Variants in PDE7B observed in about 807,000 individuals in gnomAD.
PDE7B encodes phosphodiesterase 7B.
Under a neutral mutation model 56.2 loss-of-function variants are expected in PDE7B, and 29 were observed. That is an observed-to-expected ratio of 0.52 (90% CI 0.38 to 0.70). The LOEUF is 0.70. Ranked by LOEUF, PDE7B falls within the 30% of genes least tolerant of loss-of-function variation. The pLI, the probability that PDE7B is intolerant of heterozygous loss-of-function variation, is 0.00. For missense variants in PDE7B, 490 were observed against 565.0 expected (o/e 0.87, Z 1.35); for synonymous variants, 197 against 196.9 (o/e 1.00, Z 0.00).
chr6:136,096,903 A>G (rs1777479332), intron 2 of PDE7B, among the ~76,000 whole-genome samples: 2 of 152,036 alleles, frequency 1.3e-5, no homozygotes, highest in Admixed American at 1.3e-4. Flanking sequence ...CACTCACTTC[A>G]GTCACTCAAC....
chr6:135,890,842 C>G (rs1307281677), intron 1 of PDE7B, among the ~76,000 whole-genome samples: 1 of 151,986 alleles, frequency 6.6e-6, no homozygotes, highest in African/African-American at 2.4e-5. Context: ...TTTTTTCTAC[C>G]GAGGCTGCTC....
intron 2 of PDE7B, among the ~76,000 whole-genome samples, chr6:136,025,215 A>G (rs897738117): frequency 6.6e-6 from 1 of 152,236 alleles, no homozygotes; most frequent in African/African-American, 2.4e-5. Context: ...GATTTAGACC[A>G]CTTTGGGCGG....
intron 1 of PDE7B, among the ~76,000 whole-genome samples, chr6:135,921,396 A>C (rs1465418304): frequency 6.6e-6 from 1 of 152,208 alleles, no homozygotes; most frequent in African/African-American, 2.4e-5. Flanking sequence ...CTTTACCCTG[A>C]ACAAAAGCCA....
chr6:136,017,420 C>T (rs1445924171), intron 2 of PDE7B, among the ~76,000 whole-genome samples: 3 of 151,970 alleles, frequency 2.0e-5, no homozygotes, highest in African/African-American at 4.8e-5. Flanking sequence ...TATACATATG[C>T]CATGTTGCTG....
intron 2 of PDE7B, among the ~76,000 whole-genome samples, chr6:135,960,616 T>C (rs1774882859): frequency 6.6e-6 from 1 of 152,218 alleles, no homozygotes; most frequent in Non-Finnish European, 1.5e-5. Context: ...TTAATTGAAA[T>C]ACAGCTTAAA....
intron 2 of PDE7B, among the ~76,000 whole-genome samples, chr6:135,967,673 C>A (rs1039911482): frequency 2.0e-5 from 3 of 152,152 alleles, no homozygotes; most frequent in African/African-American, 7.2e-5. Context: ...CCATAACTGT[C>A]CTTCATAAGA....
chr6:135,908,507 A>T (rs765844047), intron 1 of PDE7B, among the ~76,000 whole-genome samples: 2 of 152,202 alleles, frequency 1.3e-5, no homozygotes, highest in African/African-American at 2.4e-5. Flanking sequence ...AAACATTTAC[A>T]TGTATCTGTA....
chr6:135,873,393 A>T (rs1009496595), intron 1 of PDE7B, among the ~76,000 whole-genome samples: 3 of 152,146 alleles, frequency 2.0e-5, no homozygotes, highest in South Asian at 2.1e-4. Context: ...TATGCACAAA[A>T]TTTTTTTCAC....
chr6:136,033,837 AT>A (rs148777059), intron 2 of PDE7B, among the ~76,000 whole-genome samples: 4 of 149,934 alleles, frequency 2.7e-5, no homozygotes, highest in Non-Finnish European at 5.9e-5. Flanking sequence ...CTCATTTTGA[AT>A]TTTTTTTTTG....
At chr6:135,952,831 T>A (rs985801762) in intron 2 of PDE7B, among the ~76,000 whole-genome samples, 2 of 152,140 alleles carry the variant, frequency 1.3e-5, no homozygotes, top group Non-Finnish European at 2.9e-5. Context: ...CTGTCATCAT[T>A]GGCCCTAAAA....
chr6:135,911,839 T>C (rs867009329), intron 1 of PDE7B, among the ~76,000 whole-genome samples: 1 of 152,156 alleles, frequency 6.6e-6, no homozygotes, highest in African/African-American at 2.4e-5. Flanking sequence ...TCATGAAAAA[T>C]TGTATAATAT....
intron 1 of PDE7B, among the ~76,000 whole-genome samples, chr6:135,859,378 A>G (rs1775101966): frequency 6.6e-6 from 1 of 152,086 alleles, no homozygotes; most frequent in Admixed American, 6.6e-5. Context: ...GGTATTGCTC[A>G]TTTTCCATAT....
chr6:136,069,542 A>C (rs1562485316), intron 2 of PDE7B, among the ~76,000 whole-genome samples: 1 of 152,218 alleles, frequency 6.6e-6, no homozygotes, highest in Non-Finnish European at 1.5e-5. Context: ...GATTATATAA[A>C]TGTGCAGAGT....
At chr6:136,036,120 T>G (rs917407409) in intron 2 of PDE7B, among the ~76,000 whole-genome samples, 3 of 152,200 alleles carry the variant, frequency 2.0e-5, no homozygotes, top group Admixed American at 6.5e-5. Context: ...TTAAATAAAA[T>G]CATCTCAATC....
intron 2 of PDE7B, among the ~76,000 whole-genome samples, chr6:136,045,657 C>A (rs2128210431): frequency 6.6e-6 from 1 of 151,978 alleles, no homozygotes; most frequent in Non-Finnish European, 1.5e-5. Flanking sequence ...AGCCTTGGGT[C>A]CAAGGGGCCA....
At chr6:135,965,645 G>A (rs1774984790) in intron 2 of PDE7B, among the ~76,000 whole-genome samples, 1 of 152,140 alleles carries the variant, frequency 6.6e-6, no homozygotes, top group African/African-American at 2.4e-5. Flanking sequence ...CAGATCTTAT[G>A]AGACTTATTC....
At chr6:135,917,690 G>A (rs1773983315) in intron 1 of PDE7B, among the ~76,000 whole-genome samples, 1 of 152,028 alleles carries the variant, frequency 6.6e-6, no homozygotes, top group African/African-American at 2.4e-5. Flanking sequence ...TGGATACCGT[G>A]AATCCTAACT....
chr6:135,954,629 C>G (rs146322574), intron 2 of PDE7B, among the ~76,000 whole-genome samples: 113 of 152,250 alleles, frequency 7.4e-4, no homozygotes, highest in Non-Finnish European at 1.4e-3. Flanking sequence ...GGTAGAATCC[C>G]TATTGCCACA....
intron 2 of PDE7B, among the ~76,000 whole-genome samples, chr6:136,085,746 G>C (rs776312975): frequency 6.6e-6 from 1 of 152,192 alleles, no homozygotes; most frequent in Non-Finnish European, 1.5e-5. Context: ...CATTGTCCAG[G>C]ACAGCTCCAC....
Sources: allele counts gnomAD v4.1 joint callset (sites outside exome capture counted in the v4.1 genomes callset), GRCh38; gene constraint gnomAD v4.1.1; transcripts MANE v1.5; gene names NCBI Gene and HGNC (gene_info 2026-07-23, HGNC 2026-07-21).